The following AK5 variants were observed in gnomAD, a reference collection of about 807,000 sequenced individuals.
AK5 encodes the protein adenylate kinase 5.
A neutral mutation model predicts 69.5 loss-of-function variants in AK5; 27 were observed. That is an observed-to-expected ratio of 0.39 (90% CI 0.29 to 0.54). AK5 has a LOEUF of 0.54. AK5 is among the 20% of genes least tolerant of loss of function. The probability of loss-of-function intolerance (pLI) is 0.71; values close to 1 mark genes in which losing one functional copy is unlikely to be tolerated. For synonymous variants in AK5, 260 were observed against 244.4 expected (o/e 1.06, Z -0.60); for missense variants, 531 against 700.4 (o/e 0.76, Z 2.73).
chr1:77,334,980 A>G lies in AK5; in HGVS notation c.700-5397A>G, dbSNP rs377751514. 2.9e-3 allele frequency among the ~76,000 whole-genome samples: 444 copies of G among 152,232 alleles called. 2 individuals are homozygous for G. The highest frequency in any genetic ancestry group is 0.01 in the Middle Eastern group (3 of 294). The stretch of plus-strand genomic sequence containing the variant: ...TGTCTGTCTTTTTTCCTTTTTTTAG[A>G]AAGTTTTTGTTTCAACTGTGATTTT... On this transcript the variant is annotated intron_variant, in intron 5 of 13. Transcript: ENST00000354567.
intron 5 of AK5, among the ~76,000 whole-genome samples, chr1:77,313,331 C>T (rs17100305): frequency 0.018 from 2,798 of 152,198 alleles, 99 homozygotes; most frequent in African/African-American, 0.063. Context: ...CATACAGACT[C>T]TAGACCACTA....
intron 8 of AK5, among the ~76,000 whole-genome samples, chr1:77,470,844 TATATATATATATATATATATATATA>T (rs1557615461): frequency 0.12 from 481 of 3,898 alleles, 24 homozygotes; most frequent in Non-Finnish European, 0.15. Context: ...TATATATATA[TATATATATATATATATATATATATA>T]TATATATTTT....
chr1:77,430,831 A>G lies in AK5; in HGVS notation c.1059+13116A>G, dbSNP rs545640945. The stretch of plus-strand genomic sequence containing the variant: ...AGAGAGACTGGAAAATAATCATTGA[A>G]TATAGAAACACGGAGGAAATTGAGA... On this transcript the variant is annotated intron_variant, in intron 8 of 13. Coordinates refer to ENST00000354567, the MANE Select transcript of AK5 (RefSeq NM_174858.3). Among the ~76,000 whole-genome samples the G allele has an allele frequency of 5.9e-5, 9 of 152,324 alleles. No individual in the cohort carries two copies. The East Asian group carries it at 1.7e-3, about 29-fold the overall frequency.
chr1:77,533,193 G>T (rs1218394384), intron 12 of AK5, among the ~76,000 whole-genome samples: 1 of 152,080 alleles, frequency 6.6e-6, no homozygotes, highest in African/African-American at 2.4e-5. Context: ...CTATGATGCT[G>T]TGAAGACTCA....
At chr1:77,385,213 G>T (rs1647930910) in intron 6 of AK5, among the ~76,000 whole-genome samples, 1 of 152,078 alleles carries the variant, frequency 6.6e-6, no homozygotes. Flanking sequence ...AGGCTGGAGT[G>T]CAGTGGCACA....
intron 6 of AK5, among the ~76,000 whole-genome samples, chr1:77,344,491 TGTA>T (rs918473153): frequency 2.1e-4 from 32 of 152,314 alleles, no homozygotes; most frequent in African/African-American, 7.7e-4. Context: ...AGATTTTTCT[TGTA>T]GTTAGTTTAG....
intron 1 of AK5, chr1:77,282,898 C>A: frequency 2.0e-6 from 2 of 986,162 alleles, no homozygotes; most frequent in Non-Finnish European, 2.4e-6. Flanking sequence ...CAAAACCCAA[C>A]CTATCAAGTG....
At chr1:77,484,026 A>T (rs1490930460) in intron 9 of AK5, among the ~76,000 whole-genome samples, 1 of 152,120 alleles carries the variant, frequency 6.6e-6, no homozygotes, top group Non-Finnish European at 1.5e-5. Context: ...TTAGAAAGGC[A>T]TGGTGGTGCA....
chr1:77,500,148 G>A (rs1371987379), intron 10 of AK5, among the ~76,000 whole-genome samples: 1 of 151,874 alleles, frequency 6.6e-6, no homozygotes, highest in East Asian at 1.9e-4. Context: ...AATGAGGCAT[G>A]GCTATTTTTA....
chr1:77,497,208 C>T (rs1293423483), intron 10 of AK5, among the ~76,000 whole-genome samples: 10 of 152,176 alleles, frequency 6.6e-5, no homozygotes, highest in East Asian at 1.9e-4. Context: ...AGAGCTGTAA[C>T]GCTCACTGCG....
At chr1:77,404,937 C>T (rs1305135843) in intron 6 of AK5, among the ~76,000 whole-genome samples, 1 of 152,122 alleles carries the variant, frequency 6.6e-6, no homozygotes, top group Non-Finnish European at 1.5e-5. Context: ...TTAGTCTATG[C>T]TGGAAATAAA....
At chr1:77,368,016 C>G (rs1367682616) in intron 6 of AK5, among the ~76,000 whole-genome samples, 1 of 119,524 alleles carries the variant, frequency 8.4e-6, no homozygotes, top group Non-Finnish European at 1.7e-5. Flanking sequence ...ACAGGTAGAC[C>G]GTTGACTTTT....
At chr1:77,518,523 C>T (rs1200179035) in intron 10 of AK5, 41 bp from the exon 11 acceptor site, 1 of 1,601,046 alleles carries the variant, frequency 6.2e-7, no homozygotes, top group Admixed American at 1.7e-5. Context: ...AATGAGGCAC[C>T]AGACTTGGAA....
chr1:77,322,742 C>G (rs942253675), intron 5 of AK5, among the ~76,000 whole-genome samples: 1 of 152,058 alleles, frequency 6.6e-6, no homozygotes, highest in Non-Finnish European at 1.5e-5. Context: ...CTCTCTCCAC[C>G]CAACTATACT....
chr1:77,531,790 C>T (rs1658612076), intron 12 of AK5, among the ~76,000 whole-genome samples: 2 of 143,652 alleles, frequency 1.4e-5, no homozygotes, highest in South Asian at 4.7e-4. Context: ...TGGGACTGGG[C>T]GCCGTGGAGC....
At chr1:77,441,401 A>G (rs943280896) in intron 8 of AK5, among the ~76,000 whole-genome samples, 5 of 152,004 alleles carry the variant, frequency 3.3e-5, no homozygotes, top group African/African-American at 1.2e-4. Context: ...ATGTCTGTGC[A>G]TTTAGTGGAA....
At chr1:77,513,404 CT>C (rs1287538279) in intron 10 of AK5, among the ~76,000 whole-genome samples, 3 of 152,106 alleles carry the variant, frequency 2.0e-5, no homozygotes, top group Non-Finnish European at 4.4e-5. Context: ...AGTTCTGGGT[CT>C]TTTTATTTCT....
intron 5 of AK5, among the ~76,000 whole-genome samples, chr1:77,321,705 C>T (rs999857950): frequency 3.3e-5 from 5 of 152,026 alleles, no homozygotes; most frequent in African/African-American, 1.2e-4. Context: ...GTGAGGGTGT[C>T]GGCTTTTACC....
intron 10 of AK5, among the ~76,000 whole-genome samples, chr1:77,516,592 G>A (rs1657657300): frequency 6.6e-6 from 1 of 152,000 alleles, no homozygotes. Context: ...GAGGAGGAAG[G>A]AAGGGCCTTT....
Sources: allele counts gnomAD v4.1 joint callset (sites outside exome capture counted in the v4.1 genomes callset), GRCh38; gene constraint gnomAD v4.1.1; transcripts MANE v1.5; gene names NCBI Gene and HGNC (gene_info 2026-07-23, HGNC 2026-07-21).